The following LDHD variants were observed in gnomAD, a reference collection of about 807,000 sequenced individuals.
LDHD encodes the protein lactate dehydrogenase D, also known as D-lactate dehydrogenase, mitochondrial.
A neutral mutation model predicts 52.9 loss-of-function variants in LDHD; 58 were observed. The observed-to-expected ratio is 1.10, with a 90% CI of 0.89 to 1.36. The LOEUF (loss-of-function observed/expected upper bound fraction) is 1.36. Among genes scored for constraint, LDHD ranks in the 40% most tolerant of loss-of-function variants. The probability of loss-of-function intolerance (pLI) is 0.00; values close to 1 mark genes in which losing one functional copy is unlikely to be tolerated. For missense variants in LDHD, 747 were observed against 668.0 expected (o/e 1.12, Z -1.30); for synonymous variants, 350 against 288.6 (o/e 1.21, Z -2.16).
At chr16:75,114,748 A>T (rs2036504249) in intron 4 of LDHD, 63 bp from the exon 5 acceptor site, 1 of 1,564,010 alleles carries the variant, frequency 6.4e-7, no homozygotes, top group African/African-American at 1.4e-5. Context: ...GGGCTGGGGG[A>T]GGAAGGTCCC....
intron 1 of LDHD, among the ~76,000 whole-genome samples, chr16:75,116,289 C>A (rs1223090079): frequency 6.6e-6 from 1 of 151,750 alleles, no homozygotes; most frequent in Non-Finnish European, 1.5e-5. Flanking sequence ...GGGGGCGGGG[C>A]GCGGCGGGGC....
intron 7 of LDHD, 21 bp downstream of exon 7, chr16:75,113,720 GC>G (rs1466147379): frequency 6.2e-7 from 1 of 1,612,944 alleles, no homozygotes. Context: ...CCACCCTGCT[GC>G]CCCACTCCAC....
Position 75,113,838 on chromosome 16 carries a change from T to TG in LDHD, c.861dup (p.Asn288GlnfsTer43). 3 of 1,614,082 alleles carry TG rather than the reference T, an allele frequency of 1.9e-6. No individual in the cohort carries two copies. The highest frequency in any genetic ancestry group is 2.5e-6 in the Non-Finnish European group (3 of 1,180,024). On this transcript the variant is annotated frameshift_variant, in exon 7 of 11. Transcript: ENST00000450168. LOFTEE classifies it high-confidence loss of function. ...AAGCAATTCAGCTTGCTGTACCTGT[T>TG]GCAGGCATCCATCATGACTTCATCC...
In LDHD at chr16:75,114,915, C is replaced by T. The variant is rs374576808; in HGVS notation, c.381G>A (p.Gln127=). Residue 127 remains glutamine, a synonymous_variant, in exon 4 of 11, where the codon CAG becomes CAA. Transcript: ENST00000450168. ...THMDRILELN[Q]EDFSVVVEPG... ...GCTCCACCACCACAGAGAAGTCCTC[C>T]TGGTTCAGCTCCAGGATTCGGTCCA... 2.5e-6 allele frequency: 4 copies of T among 1,613,904 alleles called. No homozygotes were observed. In the African/African-American group the frequency reaches 5.3e-5, roughly 22 times the overall value.
In LDHD at chr16:75,115,045, G is replaced by A; in HGVS notation, c.328-77C>T. 9 of 1,552,130 alleles carry A rather than the reference G, an allele frequency of 5.8e-6. No homozygotes were observed. In the East Asian group the frequency reaches 9.0e-5, roughly 16 times the overall value. On this transcript the variant is annotated intron_variant, in intron 3 of 10. Transcript: ENST00000450168. ...CACGTCCCCGGACCACACCCCGCGG[G>A]TGTCCCCCCAGCAGCCAGACCAGAC...
intron 2 of LDHD, 101 bp downstream of exon 2, chr16:75,115,447 C>G: frequency 6.3e-7 from 1 of 1,587,384 alleles, no homozygotes; most frequent in Admixed American, 1.7e-5. Context: ...TGCCAGAGCA[C>G]CCCAAAACAG....
In LDHD at chr16:75,114,892, TCCA is replaced by T; in HGVS notation, c.401_403del (p.Val134del). ...GAGGGCTTTGCGGGTGACACCTGGC[TCCA>T]CCACCACAGAGAAGTCCTCCTGGTT... On this transcript the variant is annotated inframe_deletion, in exon 4 of 11. Coordinates refer to ENST00000450168, the MANE Select transcript of LDHD (RefSeq NM_194436.3). 6.2e-7 allele frequency: 1 copy of T among 1,614,024 alleles called. No individual in the cohort carries two copies. The highest frequency in any genetic ancestry group is 8.5e-7 in the Non-Finnish European group (1 of 1,180,004).
rs376074065 is a variant in LDHD, at chr16:75,113,747, C to T, written c.953G>A (p.Arg318His). Residue 318 changes from arginine (R) to histidine (H), a missense_variant, in exon 7 of 11, where the codon CGC (arginine) becomes CAC (histidine). Coordinates refer to ENST00000450168, the MANE Select transcript of LDHD (RefSeq NM_194436.3). ...SQQALEEQLQ[R>H]TEEIVQQNGA... The stretch of plus-strand genomic sequence containing the variant: ...CCCACTCCACCCCAGCATACCTGTG[C>T]GCTGCAGCTGCTCCTCCAGTGCCTG... 6.6e-5 allele frequency: 107 copies of T among 1,613,576 alleles called. No homozygotes were observed. The highest frequency in any genetic ancestry group is 2.7e-4 in the South Asian group (25 of 91,074).
rs1463117809 is a variant in LDHD at position 75,114,657 on chromosome 16, G to A, written c.498C>T (p.Gly166=). Residue 166 remains glycine, a synonymous_variant, in exon 5 of 11, where the codon GGC becomes GGT. Coordinates refer to ENST00000450168, the MANE Select transcript of LDHD (RefSeq NM_194436.3). The part of the protein sequence containing the change: ...VDPGADASLC[G]MAATGASGTN... ...TCCCCGACGCCCCGGTGGCCGCCAT[G>A]CCACAGAGAGAGGCGTCCGCGCCTG... 1 of 1,532,206 alleles carries A rather than the reference G, an allele frequency of 6.5e-7. No homozygotes were observed. The highest frequency in any genetic ancestry group is 1.2e-5 in the South Asian group (1 of 84,080). 94.9% of individuals were successfully genotyped at this position (1,532,206 alleles called of 1,614,324 possible).
rs61737682 is a variant in LDHD, at chr16:75,112,383, G to A, written c.1428C>T (p.Gly476=). The A allele has an allele frequency of 2.5e-6, 4 of 1,613,126 alleles. No homozygotes were observed. In the Admixed American group the frequency reaches 5.0e-5, roughly 20 times the overall value. ...ACAGCACTTTGCCTGGATTCATGAGGCCTTGGGGGTCTAGCACGGCCTTGA... is the reference window on the plus strand; with the variant it reads ...ACAGCACTTTGCCTGGATTCATGAGACCTTGGGGGTCTAGCACGGCCTTGA... ...RQLKAVLDPQ[G]LMNPGKVL The change falls in exon 11 of 11, where the codon GGC becomes GGT. Residue 476 remains glycine (G), a synonymous_variant. Transcript: ENST00000450168.
Position 75,115,233 on chromosome 16 carries a change from C to A in LDHD, c.292G>T (p.Gly98Cys). 1 of 1,613,222 alleles carries A rather than the reference C, an allele frequency of 6.2e-7. No homozygotes were observed. The highest frequency in any genetic ancestry group is 8.5e-7 in the Non-Finnish European group (1 of 1,179,998). ...QGVPIIPFGT[G>C]TGLEGGVCAV... is the part of the protein sequence containing the mutation. ...CAGACGCCACCCTCAAGCCCGGTGC[C>A]GGTGCCGAATGGGATGATGGGCACA... The change falls in exon 3 of 11, where the codon GGC (glycine) becomes TGC (cysteine). Residue 98 changes from glycine (G) to cysteine (C), a missense_variant. Gly to Cys is a radical substitution (Grantham distance 159). Coordinates refer to ENST00000450168, the MANE Select transcript of LDHD (RefSeq NM_194436.3).
At position 75,112,062 on chromosome 16, in the gene LDHD, G is replaced by A. The variant is rs183110526; in HGVS notation, c.*294C>T. ...ATCAGAGTCTTGAATGGACCCAGAC[G>A]CTCTCTTCCCGCCAGGACAGGATGC... is the stretch of plus-strand genomic sequence containing the variant. On this transcript the variant is annotated 3_prime_UTR_variant, in exon 11 of 11. Transcript: ENST00000450168. The A allele has an allele frequency of 4.1e-4, 152 of 372,434 alleles. No homozygotes were observed. The highest frequency in any genetic ancestry group is 2.3e-3 in the African/African-American group (112 of 48,716). The allele number at this position is 372,434 out of a possible 1,614,324, so 23.1% of individuals were successfully genotyped here. A position where few individuals can be genotyped will look rare whatever the true frequency, so the allele number is the denominator to read the frequency against.
At chr16:75,116,391 G>A (rs1456661304) in intron 1 of LDHD, among the ~76,000 whole-genome samples, 1 of 152,134 alleles carries the variant, frequency 6.6e-6, no homozygotes, top group South Asian at 2.1e-4. Context: ...TTCCTTCAGG[G>A]CCTTCTTCCA....
At position 75,115,535 on chromosome 16, in the gene LDHD, A is replaced by G. The variant is rs776996381; in HGVS notation, c.185+13T>C. On this transcript the variant is annotated intron_variant, in intron 2 of 10. Coordinates refer to ENST00000450168, the MANE Select transcript of LDHD (RefSeq NM_194436.3). ...CCAGAAGACAGGGGAGGGGCCCGCG[A>G]ACCCTCCCATACCTGTGCACCGACT... is the stretch of plus-strand genomic sequence containing the variant. 1 of 1,609,330 alleles carries G rather than the reference A, an allele frequency of 6.2e-7. No homozygotes were observed. The highest frequency in any genetic ancestry group is 8.5e-7 in the Non-Finnish European group (1 of 1,176,724).
chr16:75,116,494 C>G, intron 1 of LDHD, 155 bp downstream of exon 1: 2 of 612,774 alleles, frequency 3.3e-6, no homozygotes, highest in Admixed American at 3.3e-5. Flanking sequence ...CTACACCCAC[C>G]CACAGTTGCC....
chr16:75,115,217 C>T lies in LDHD; in HGVS notation c.308G>A (p.Gly103Asp). The T allele has an allele frequency of 6.2e-7, 1 of 1,612,938 alleles. No individual in the cohort carries two copies. The highest frequency in any genetic ancestry group is 8.5e-7 in the Non-Finnish European group (1 of 1,179,996). The change falls in exon 3 of 11, where the codon GGT (glycine) becomes GAT (aspartate). Residue 103 changes from glycine to aspartate, a missense_variant. Physicochemically the swap from Gly to Asp is moderately conservative, Grantham distance 94 (BLOSUM62 -1). Transcript: ENST00000450168. ...IPFGTGTGLEGGVCAVQGGVC... is the reference protein window; with the variant it reads ...IPFGTGTGLEDGVCAVQGGVC... ...CTGTACCTGCACAGCACAGACGCCACCCTCAAGCCCGGTGCCGGTGCCGAA... is the reference window on the plus strand; with the variant it reads ...CTGTACCTGCACAGCACAGACGCCATCCTCAAGCCCGGTGCCGGTGCCGAA...
rs749695379 is a variant in LDHD at position 75,116,603 on chromosome 16, G to A, written c.72+46C>T. 14 of 1,515,466 alleles carry A rather than the reference G, an allele frequency of 9.2e-6. No homozygotes were observed. In the African/African-American group the frequency reaches 9.7e-5, roughly 10 times the overall value. The allele number at this position is 1,515,466 out of a possible 1,614,324, so 93.9% of individuals were successfully genotyped here. A position where few individuals can be genotyped will look rare whatever the true frequency, so the allele number is the denominator to read the frequency against. ...TTGGGATCAGAACCCCCTGCTCCCC[G>A]CTCCCCACCTCATCCCTCCAGAGGA... On this transcript the variant is annotated intron_variant, in intron 1 of 10. Transcript: ENST00000450168.
rs765552768 is a variant in LDHD, at chr16:75,115,622, G to A, written c.111C>T (p.Ala37=). 3 of 1,612,194 alleles carry A rather than the reference G, an allele frequency of 1.9e-6. No homozygotes were observed. Among genetic ancestry groups the A allele is most frequent in the East Asian group, 2.2e-5 (1 of 44,828 alleles). The change falls in exon 2 of 11, where the codon GCC becomes GCT. Residue 37 remains alanine (A), a synonymous_variant. Transcript: ENST00000450168. The stretch of plus-strand genomic sequence containing the variant: ...TGGACACGTGGGAGCCGCCCACCAC[G>A]GCCTTCAGAGCCTCTACGAAGTCCC... The part of the protein sequence containing the change: ...LCRDFVEALK[A]VVGGSHVSTA...
rs762414709 is a variant in LDHD, at chr16:75,115,549, T to G, written c.184A>C (p.Arg62=). 1 of 1,612,744 alleles carries G rather than the reference T, an allele frequency of 6.2e-7. No homozygotes were observed. The highest frequency in any genetic ancestry group is 8.5e-7 in the Non-Finnish European group (1 of 1,179,714). ...AGGGGCCCGCGAACCCTCCCATACC[T>G]GTGCACCGACTCATCGCGCCCGTGC... ...EQHGRDESVH[R]CEPPDAVVWP... Residue 62 remains arginine (R), a splice_region_variant and synonymous_variant, in exon 2 of 11, where the codon AGG becomes CGG. Coordinates refer to ENST00000450168, the MANE Select transcript of LDHD (RefSeq NM_194436.3).
Sources: allele counts gnomAD v4.1 joint callset (sites outside exome capture counted in the v4.1 genomes callset), GRCh38; gene constraint gnomAD v4.1.1; transcripts MANE v1.5; gene names NCBI Gene and HGNC (gene_info 2026-07-23, HGNC 2026-07-21).